Variants in HECW2 observed in about 807,000 individuals in gnomAD.
HECW2 encodes HECT, C2 and WW domain containing E3 ubiquitin protein ligase 2, also known as E3 ubiquitin-protein ligase HECW2.
A neutral mutation model predicts 175.2 loss-of-function variants in HECW2; 61 were observed. That is an observed-to-expected ratio of 0.35 (90% CI 0.28 to 0.43). The LOEUF is 0.43. Among genes scored for constraint, HECW2 ranks in the 20% least tolerant of loss-of-function variants. HECW2 has a pLI of 1.00. For missense variants in HECW2, 1,524 were observed against 2,000.5 expected (o/e 0.76, Z 4.54); for synonymous variants, 671 against 731.0 (o/e 0.92, Z 1.32).
At chr2:196,363,011 TC>T (rs911993215) in intron 2 of HECW2, among the ~76,000 whole-genome samples, 35 of 152,114 alleles carry the variant, frequency 2.3e-4, no homozygotes, top group African/African-American at 8.4e-4. Flanking sequence ...TCTCTATTGT[TC>T]CCTTAACCCA....
At chr2:196,387,503 G>C (rs528756963) in intron 2 of HECW2, among the ~76,000 whole-genome samples, 1 of 152,218 alleles carries the variant, frequency 6.6e-6, no homozygotes, top group East Asian at 1.9e-4. Context: ...CCTTGATCTT[G>C]CACTTCCCAG....
chr2:196,270,977 AGTCGCC>A (rs1453560844), intron 17 of HECW2, among the ~76,000 whole-genome samples: 266 of 152,324 alleles, frequency 1.7e-3, no homozygotes, highest in Middle Eastern at 3.4e-3. Flanking sequence ...TACAGGCGTG[AGTCGCC>A]GTGCCCGGCC....
At chr2:196,311,361 C>T (rs751505311) in intron 10 of HECW2, among the ~76,000 whole-genome samples, 5 of 152,146 alleles carry the variant, frequency 3.3e-5, no homozygotes, top group Admixed American at 6.5e-5. Context: ...ACAACCTTCT[C>T]GGCTTATTCC....
At chr2:196,261,019 T>C (rs1689269390) in intron 17 of HECW2, among the ~76,000 whole-genome samples, 1 of 152,200 alleles carries the variant, frequency 6.6e-6, no homozygotes, top group South Asian at 2.1e-4. Flanking sequence ...ATAGGGCACT[T>C]GGTGCAAAGT....
chr2:196,588,881 T>A (rs1014946757), intron 1 of HECW2, among the ~76,000 whole-genome samples: 9 of 152,164 alleles, frequency 5.9e-5, no homozygotes, highest in African/African-American at 2.2e-4. Context: ...TGGATTTTTT[T>A]AAATTACATA....
chr2:196,459,743 C>G (rs1312519410), intron 1 of HECW2, among the ~76,000 whole-genome samples: 2 of 152,168 alleles, frequency 1.3e-5, no homozygotes, highest in Non-Finnish European at 2.9e-5. Flanking sequence ...TAAGAGACCA[C>G]AGACCACAGA....
intron 2 of HECW2, among the ~76,000 whole-genome samples, chr2:196,391,259 GGCCTAGGAGTAGTAACAGTACCCT>G (rs1694501174): frequency 2.0e-5 from 3 of 152,070 alleles, no homozygotes; most frequent in African/African-American, 7.3e-5. Flanking sequence ...TACATCTTCA[GGCCTAGGAGTAGTAACAGTACCCT>G]GCCCCACTGT....
chr2:196,348,015 C>T (rs1043533807), intron 2 of HECW2, among the ~76,000 whole-genome samples: 1 of 152,268 alleles, frequency 6.6e-6, no homozygotes, highest in African/African-American at 2.4e-5. Context: ...ACTGCTCCTA[C>T]TGTGGCTAGC....
intron 2 of HECW2, among the ~76,000 whole-genome samples, chr2:196,355,104 G>A (rs548790362): frequency 1.3e-5 from 2 of 152,304 alleles, no homozygotes; most frequent in South Asian, 4.1e-4. Context: ...GGTGGATATT[G>A]TAAAACTTAC....
intron 1 of HECW2, among the ~76,000 whole-genome samples, chr2:196,483,202 G>A (rs535997118): frequency 1.3e-5 from 2 of 151,782 alleles, no homozygotes; most frequent in African/African-American, 2.4e-5. Context: ...CAATAATATG[G>A]GATTGAAACA....
intron 26 of HECW2, 120 bp downstream of exon 26, chr2:196,219,919 C>A: frequency 1.5e-6 from 1 of 664,190 alleles, no homozygotes. Context: ...AGGGAGCCTG[C>A]ATCAGACCTA....
intron 1 of HECW2, among the ~76,000 whole-genome samples, chr2:196,529,061 T>A (rs537112686): frequency 6.6e-6 from 1 of 152,218 alleles, no homozygotes; most frequent in African/African-American, 2.4e-5. Flanking sequence ...CTGAAGCTTA[T>A]AACCACATGC....
intron 1 of HECW2, among the ~76,000 whole-genome samples, chr2:196,465,006 A>G (rs1696895749): frequency 2.0e-5 from 3 of 152,200 alleles, no homozygotes; most frequent in Admixed American, 2.0e-4. Flanking sequence ...ACTGCACTCC[A>G]GCCCGGGTGA....
chr2:196,286,387 C>CATATATATATATATATATAGATATAT, intron 14 of HECW2, among the ~76,000 whole-genome samples: 1 of 137,710 alleles, frequency 7.3e-6, no homozygotes, highest in Non-Finnish European at 1.6e-5. Flanking sequence ...AGATGGAGGT[C>CATATATATATATATATATAGATATAT]ATATATATAT....
rs543037571 is a variant in HECW2, at chr2:196,330,881, A to C, written c.496-1231T>G. 3.3e-5 allele frequency among the ~76,000 whole-genome samples: 5 copies of C among 152,256 alleles called. No homozygotes were observed. In the South Asian group the frequency reaches 1.0e-3, roughly 32 times the overall value. ...GAGTTCTCTTTTCCCCTAATGCAAT[A>C]GTTCGTGATTTGAATTTGCTTTTAC... On this transcript the variant is annotated intron_variant, in intron 4 of 28. Transcript: ENST00000644978.
intron 23 of HECW2, among the ~76,000 whole-genome samples, chr2:196,224,210 T>A (rs1687769579): frequency 1.3e-5 from 2 of 152,164 alleles, no homozygotes; most frequent in African/African-American, 2.4e-5. Context: ...CACTATTAAC[T>A]GTAACTGGGC....
At chr2:196,377,808 T>TC (rs1211575511) in intron 2 of HECW2, among the ~76,000 whole-genome samples, 1 of 152,240 alleles carries the variant, frequency 6.6e-6, no homozygotes, top group African/African-American at 2.4e-5. Context: ...AATAAGTTTT[T>TC]CTCACTGTTT....
At chr2:196,439,507 CT>C (rs1260935418) in intron 1 of HECW2, among the ~76,000 whole-genome samples, 4 of 152,114 alleles carry the variant, frequency 2.6e-5, no homozygotes, top group African/African-American at 9.7e-5. Context: ...TGAGTTACAG[CT>C]TAAGAAACTC....
At chr2:196,548,274 G>A (rs1332298640) in intron 1 of HECW2, among the ~76,000 whole-genome samples, 1 of 151,256 alleles carries the variant, frequency 6.6e-6, no homozygotes, top group Non-Finnish European at 1.5e-5. Flanking sequence ...AGGTTGCAGT[G>A]GGCTGAGATC....
Sources: allele counts gnomAD v4.1 joint callset (sites outside exome capture counted in the v4.1 genomes callset), GRCh38; gene constraint gnomAD v4.1.1; transcripts MANE v1.5; gene names NCBI Gene and HGNC (gene_info 2026-07-23, HGNC 2026-07-21).